KIAA1217: variants seen among roughly 807,000 people sequenced by gnomAD.
KIAA1217 encodes the protein sickle tail protein homolog.
Under a neutral mutation model 163.9 loss-of-function variants are expected in KIAA1217, and 88 were observed. The observed-to-expected ratio is 0.54, with a 90% CI of 0.45 to 0.64. KIAA1217 has a LOEUF of 0.64. Ranked by LOEUF, KIAA1217 falls within the 30% of genes least tolerant of loss-of-function variation. The probability of loss-of-function intolerance (pLI) is 0.00; values close to 1 mark genes in which losing one functional copy is unlikely to be tolerated. For missense variants in KIAA1217, 2,372 were observed against 2,475.0 expected, an observed-to-expected ratio of 0.96 and a Z score of 0.88; for synonymous variants, 903 against 923.1, an observed-to-expected ratio of 0.98 and a Z score of 0.39.
chr10:24,458,102 G>C (rs2061992686), intron 5 of KIAA1217, among the ~76,000 whole-genome samples: 1 of 152,222 alleles, frequency 6.6e-6, no homozygotes, highest in African/African-American at 2.4e-5. Flanking sequence ...GCAGCAAAAG[G>C]CATGGCAGGG....
chr10:23,998,546 C>T (rs912987119), intron 1 of KIAA1217, among the ~76,000 whole-genome samples: 2 of 152,256 alleles, frequency 1.3e-5, no homozygotes, highest in African/African-American at 2.4e-5. Context: ...GGCCAACAGC[C>T]AGAGGACACT....
At chr10:24,121,204 G>A (rs1310741056) in intron 2 of KIAA1217, among the ~76,000 whole-genome samples, 2 of 152,172 alleles carry the variant, frequency 1.3e-5, no homozygotes, top group Admixed American at 1.3e-4. Context: ...GGAGAAAACA[G>A]GTAGCCTAGC....
In KIAA1217 at chr10:24,240,214, G is replaced by A. The variant is rs183659687; in HGVS notation, c.354+20305G>A. Reference sequence around the variant, plus strand: ...AGGGGTTAGTTCAGAGGCATCAGTTGCCCTGTGAGTAGTTAGTTCCACCAA... The same window carrying A: ...AGGGGTTAGTTCAGAGGCATCAGTTACCCTGTGAGTAGTTAGTTCCACCAA... On this transcript the variant is annotated intron_variant, in intron 2 of 20. Transcript: ENST00000376454. 1.4e-3 allele frequency among the ~76,000 whole-genome samples: 219 copies of A among 152,278 alleles called. 1 individual carries two copies. Among genetic ancestry groups the A allele is most frequent in the Middle Eastern group, 3.4e-3 (1 of 294 alleles).
chr10:23,895,831 T>G (rs1322327304), intron 1 of KIAA1217, among the ~76,000 whole-genome samples: 1 of 151,912 alleles, frequency 6.6e-6, no homozygotes. Context: ...GATGAGTTCA[T>G]GTCCTTTGTA....
intron 3 of KIAA1217, among the ~76,000 whole-genome samples, chr10:24,391,415 A>G (rs12260699): frequency 0.52 from 75,968 of 144,834 alleles, 22,089 homozygotes; most frequent in African/African-American, 0.8. Flanking sequence ...GTGTGATCTC[A>G]ACTCACTGCA....
At chr10:23,878,699 G>A (rs377236883) in intron 1 of KIAA1217, among the ~76,000 whole-genome samples, 3 of 151,916 alleles carry the variant, frequency 2.0e-5, no homozygotes, top group Non-Finnish European at 2.9e-5. Context: ...ATATATGGGC[G>A]ATGAATGGAA....
At chr10:24,520,088 T>C in intron 10 of KIAA1217, 35 bp from the exon 11 acceptor site, 1 of 1,599,726 alleles carries the variant, frequency 6.3e-7, no homozygotes, top group Non-Finnish European at 8.5e-7. Context: ...AGGCCTCGTG[T>C]TCAGCTCTAT....
At chr10:24,349,433 A>C (rs1304908465) in intron 2 of KIAA1217, among the ~76,000 whole-genome samples, 1 of 152,248 alleles carries the variant, frequency 6.6e-6, no homozygotes, top group African/African-American at 2.4e-5. Flanking sequence ...GGCATCAGAC[A>C]CTGAAGTTAT....
chr10:23,730,194 C>A (rs1838399737), intron 1 of KIAA1217, among the ~76,000 whole-genome samples: 1 of 152,222 alleles, frequency 6.6e-6, no homozygotes, highest in African/African-American at 2.4e-5. Context: ...AGCCACCATG[C>A]CCGGCTTCTA....
At chr10:24,439,952 C>T (rs1349085951) in intron 5 of KIAA1217, among the ~76,000 whole-genome samples, 1 of 152,192 alleles carries the variant, frequency 6.6e-6, no homozygotes, top group Non-Finnish European at 1.5e-5. Flanking sequence ...CAGGGACCAG[C>T]ATTCTGCTTT....
At chr10:23,909,233 G>C (rs576537021) in intron 1 of KIAA1217, among the ~76,000 whole-genome samples, 2 of 152,150 alleles carry the variant, frequency 1.3e-5, no homozygotes, top group South Asian at 4.2e-4. Flanking sequence ...AGGGATAAAA[G>C]ACTACAAATT....
intron 1 of KIAA1217, among the ~76,000 whole-genome samples, chr10:23,875,371 C>G (rs566304591): frequency 6.6e-6 from 1 of 151,916 alleles, no homozygotes; most frequent in Non-Finnish European, 1.5e-5. Flanking sequence ...TTTATAGGTG[C>G]AGAATATAAC....
chr10:24,118,431 C>CCA (rs2063148283), intron 2 of KIAA1217, among the ~76,000 whole-genome samples: 1 of 152,160 alleles, frequency 6.6e-6, no homozygotes, highest in Non-Finnish European at 1.5e-5. Context: ...CAAGTCAATT[C>CCA]CACACCCCCT....
chr10:24,123,321 T>A (rs1564727744), intron 2 of KIAA1217, among the ~76,000 whole-genome samples: 2 of 152,180 alleles, frequency 1.3e-5, no homozygotes, highest in African/African-American at 4.8e-5. Flanking sequence ...TTGATACCTA[T>A]ATATAGGTCC....
chr10:24,509,301 A>G (rs1167336876), intron 9 of KIAA1217, among the ~76,000 whole-genome samples: 1 of 152,182 alleles, frequency 6.6e-6, no homozygotes, highest in African/African-American at 2.4e-5. Context: ...CAGAGAACCT[A>G]TGTAGACCTT....
At chr10:24,539,490 C>A (rs1335956909) in intron 17 of KIAA1217, among the ~76,000 whole-genome samples, 1 of 152,138 alleles carries the variant, frequency 6.6e-6, no homozygotes, top group East Asian at 1.9e-4. Flanking sequence ...CTCAGACTCC[C>A]AAAGTGCTGG....
chr10:24,218,780 C>T (rs192555297), intron 1 of KIAA1217, among the ~76,000 whole-genome samples: 1 of 152,134 alleles, frequency 6.6e-6, no homozygotes, highest in Admixed American at 6.5e-5. Flanking sequence ...TGAGCCACGG[C>T]GCCTGGCCCT....
intron 1 of KIAA1217, among the ~76,000 whole-genome samples, chr10:23,884,896 CAGT>C (rs2131199035): frequency 6.6e-6 from 1 of 151,968 alleles, no homozygotes; most frequent in African/African-American, 2.4e-5. Flanking sequence ...GCCATCTCTG[CAGT>C]TACTCATTAA....
chr10:24,407,081 C>T (rs558108082), intron 3 of KIAA1217, among the ~76,000 whole-genome samples: 28 of 152,314 alleles, frequency 1.8e-4, no homozygotes, highest in Admixed American at 6.5e-4. Flanking sequence ...GATCTCTTCT[C>T]CTTTCTAGAC....
Sources: allele counts gnomAD v4.1 joint callset (sites outside exome capture counted in the v4.1 genomes callset), GRCh38; gene constraint gnomAD v4.1.1; transcripts MANE v1.5; gene names NCBI Gene and HGNC (gene_info 2026-07-23, HGNC 2026-07-21).